The following BTBD7 variants were observed in gnomAD, a reference collection of about 807,000 sequenced individuals.
BTBD7 encodes the protein BTB/POZ domain-containing protein 7.
Under a neutral mutation model 99.9 loss-of-function variants are expected in BTBD7, and 38 were observed. That is an observed-to-expected ratio of 0.38 (90% CI 0.29 to 0.50). The LOEUF is 0.50. Among genes scored for constraint, BTBD7 ranks in the 20% least tolerant of loss-of-function variants. BTBD7 has a pLI of 0.93. For missense variants in BTBD7, 1,170 were observed against 1,394.6 expected (o/e 0.84, Z 2.57); for synonymous variants, 520 against 511.4 (o/e 1.02, Z -0.23).
At chr14:93,298,912 A>G (rs2052960908) in intron 1 of BTBD7, among the ~76,000 whole-genome samples, 1 of 152,232 alleles carries the variant, frequency 6.6e-6, no homozygotes, top group Non-Finnish European at 1.5e-5. Flanking sequence ...AATAAGCAGT[A>G]GTAGCTGCTG....
intron 1 of BTBD7, among the ~76,000 whole-genome samples, chr14:93,304,464 G>A (rs1317327836): frequency 1.3e-5 from 2 of 152,186 alleles, no homozygotes; most frequent in Non-Finnish European, 2.9e-5. Flanking sequence ...CGATTCTCCT[G>A]CCTCAGCCTC....
chr14:93,287,086 G>A (rs887668939), intron 3 of BTBD7, among the ~76,000 whole-genome samples: 3 of 151,910 alleles, frequency 2.0e-5, no homozygotes, highest in Admixed American at 6.6e-5. Flanking sequence ...AAAATTAGCC[G>A]GGCATGGTGG....
chr14:93,256,025 G>A (rs967313407), intron 6 of BTBD7: 6 of 152,048 alleles, frequency 3.9e-5, no homozygotes, highest in Admixed American at 6.6e-5. Context: ...GTGGAGCAGG[G>A]CTACCCCATA....
chr14:93,253,945 T>A (rs1595289391), intron 6 of BTBD7, among the ~76,000 whole-genome samples, 155 bp from the exon 7 acceptor site: 1 of 139,280 alleles, frequency 7.2e-6, no homozygotes, highest in Admixed American at 7.4e-5. Flanking sequence ...ATACCTCAAA[T>A]TTTTTTTTTT....
At chr14:93,287,893 G>A (rs552457754) in intron 3 of BTBD7, 1 of 152,270 alleles carries the variant, frequency 6.6e-6, no homozygotes, top group Non-Finnish European at 1.5e-5. Context: ...GGGAAGCAGG[G>A]GAAATATCCC....
intron 1 of BTBD7, 48 bp from the exon 2 acceptor site, chr14:93,296,205 CA>C: frequency 5.6e-6 from 7 of 1,242,964 alleles, no homozygotes; most frequent in Non-Finnish European, 7.1e-6. Flanking sequence ...AAGTGTATCT[CA>C]GATCACAGTT....
chr14:93,295,812 C>T (rs547900195), intron 2 of BTBD7, among the ~76,000 whole-genome samples, 158 bp downstream of exon 2: 2 of 152,094 alleles, frequency 1.3e-5, no homozygotes, highest in African/African-American at 2.4e-5. Context: ...CCATACAAAC[C>T]AGACTTAAGA....
At chr14:93,281,752 T>C (rs2052722708) in intron 3 of BTBD7, among the ~76,000 whole-genome samples, 1 of 152,206 alleles carries the variant, frequency 6.6e-6, no homozygotes, top group Non-Finnish European at 1.5e-5. Context: ...CTGGCCACAG[T>C]ATATCACTAA....
chr14:93,261,184 T>C lies in BTBD7; in HGVS notation c.1447+418A>G, dbSNP rs568856336. 6.6e-5 allele frequency among the ~76,000 whole-genome samples: 10 copies of C among 152,358 alleles called. No individual in the cohort carries two copies. The East Asian group carries it at 1.9e-3, about 29-fold the overall frequency. ...TAAAATTCACATAACACAAAATTTA[T>C]TTAAAACATTTTAAAGCGTACCATT... On this transcript the variant is annotated intron_variant, in intron 5 of 10. Transcript: ENST00000334746.
At chr14:93,316,981 T>C (rs1403367795) in intron 1 of BTBD7, among the ~76,000 whole-genome samples, 2 of 152,224 alleles carry the variant, frequency 1.3e-5, no homozygotes, top group Non-Finnish European at 2.9e-5. Flanking sequence ...CTAAGAGTCC[T>C]GTAGTTAAGA....
chr14:93,272,425 T>G (rs1463937695), intron 3 of BTBD7, among the ~76,000 whole-genome samples: 1 of 152,224 alleles, frequency 6.6e-6, no homozygotes, highest in Non-Finnish European at 1.5e-5. Flanking sequence ...ACTCTGCCTT[T>G]CTGCCCTCCT....
At chr14:93,243,173 AT>A in intron 10 of BTBD7, 85 bp from the exon 11 acceptor site, 1 of 1,265,392 alleles carries the variant, frequency 7.9e-7, no homozygotes, top group Non-Finnish European at 1.1e-6. Context: ...TTGTTTCCCA[AT>A]TATAAAATTA....
In BTBD7 at chr14:93,238,308, A is replaced by C. The variant is rs2052182977; in HGVS notation, c.*3965T>G. On this transcript the variant is annotated 3_prime_UTR_variant, in exon 11 of 11. Coordinates refer to ENST00000334746, the MANE Select transcript of BTBD7 (RefSeq NM_001002860.4). ...AGGATAACTACATAACAGATATGAC[A>C]ATCTACAGGACAAAAAGACAACATG... The C allele has an allele frequency of 6.6e-6, 1 of 152,566 alleles. No homozygotes were observed. Among genetic ancestry groups the C allele is most frequent in the Admixed American group, 6.5e-5 (1 of 15,290 alleles). 9.5% of individuals were successfully genotyped at this position (152,566 alleles called of 1,614,324 possible).
intron 3 of BTBD7, chr14:93,288,736 T>G: frequency 6.2e-7 from 1 of 1,606,096 alleles, no homozygotes; most frequent in East Asian, 2.2e-5. Context: ...GCAAGCTGGC[T>G]TTTTCATTTT....
At chr14:93,301,348 T>G (rs541073598) in intron 1 of BTBD7, among the ~76,000 whole-genome samples, 99 of 152,068 alleles carry the variant, frequency 6.5e-4, no homozygotes, top group Non-Finnish European at 9.4e-4. Flanking sequence ...TGCATCACCA[T>G]GCCAGGCTAA....
At position 93,239,692 on chromosome 14, in the gene BTBD7, T is replaced by C. The variant is rs1297895178; in HGVS notation, c.*2581A>G. ...CCGCAATCCCACAGATTAAAGCAAG[T>C]TTTCCCTTTATACGCAAAGTTTTAG... On this transcript the variant is annotated 3_prime_UTR_variant, in exon 11 of 11. Coordinates refer to ENST00000334746, the MANE Select transcript of BTBD7 (RefSeq NM_001002860.4). 1 of 152,500 alleles carries C rather than the reference T, an allele frequency of 6.6e-6. No individual in the cohort carries two copies. Among genetic ancestry groups the C allele is most frequent in the Non-Finnish European group, 1.5e-5 (1 of 68,034 alleles). The allele number at this position is 152,500 out of a possible 1,614,324, so 9.4% of individuals were successfully genotyped here.
At chr14:93,302,038 A>G (rs1473281320) in intron 1 of BTBD7, among the ~76,000 whole-genome samples, 1 of 152,206 alleles carries the variant, frequency 6.6e-6, no homozygotes, top group Non-Finnish European at 1.5e-5. Context: ...TATGCAGGTT[A>G]GCAAGGCTGG....
chr14:93,320,554 T>A (rs540535433), intron 1 of BTBD7, among the ~76,000 whole-genome samples: 1 of 152,308 alleles, frequency 6.6e-6, no homozygotes, highest in Admixed American at 6.5e-5. Context: ...GAGGAAGACT[T>A]TTTTGGTTCT....
chr14:93,288,675 C>T (rs1474939558), intron 3 of BTBD7: 1 of 1,547,654 alleles, frequency 6.5e-7, no homozygotes, highest in Non-Finnish European at 8.9e-7. Context: ...GAAAGCTCTG[C>T]TGCACAGGCA....
Sources: allele counts gnomAD v4.1 joint callset (sites outside exome capture counted in the v4.1 genomes callset), GRCh38; gene constraint gnomAD v4.1.1; transcripts MANE v1.5; gene names NCBI Gene and HGNC (gene_info 2026-07-23, HGNC 2026-07-21).